The following VPS13C variants were observed in gnomAD, a reference collection of about 807,000 sequenced individuals.
VPS13C encodes vacuolar protein sorting 13 homolog C.
Under a neutral mutation model 456.8 loss-of-function variants are expected in VPS13C, and 358 were observed. The observed-to-expected ratio is 0.78, with a 90% confidence interval of 0.72 to 0.86. VPS13C has a LOEUF of 0.86. Ranked by LOEUF, VPS13C falls within the 40% of genes least tolerant of loss-of-function variation. The pLI, the probability that VPS13C is intolerant of heterozygous loss-of-function variation, is 0.00. For missense variants in VPS13C, 4,818 were observed against 4,385.4 expected (o/e 1.10, Z -2.79); for synonymous variants, 1,578 against 1,486.7 (o/e 1.06, Z -1.41).
rs1566972161 is a variant in VPS13C at position 61,890,347 on chromosome 15, T to C, written c.9159A>G (p.Ser3053=). ...AAACTCTCTGGCGCCCATCCAGAAA[T>C]GATACCCAGTGTATCTGGATGTTTG... ...YDANIQIHWV[S]FLDGRQRVLL... is the part of the protein sequence containing the mutation. Residue 3053 remains serine, a synonymous_variant, in exon 67 of 85, where the codon TCA becomes TCG. Transcript: ENST00000644861. 1 of 1,613,962 alleles carries C rather than the reference T, an allele frequency of 6.2e-7. No individual in the cohort carries two copies. Among genetic ancestry groups the C allele is most frequent in the East Asian group, 2.2e-5 (1 of 44,856 alleles).
chr15:62,016,992 C>G (rs947556835), intron 9 of VPS13C, among the ~76,000 whole-genome samples: 2 of 151,910 alleles, frequency 1.3e-5, no homozygotes, highest in African/African-American at 4.8e-5. Context: ...TATCTCATTG[C>G]GGTTTTGATT....
intron 81 of VPS13C, chr15:61,864,357 CTG>C: frequency 1.1e-6 from 1 of 894,328 alleles, no homozygotes; most frequent in Non-Finnish European, 1.3e-6. Flanking sequence ...CTCAAAAGTA[CTG>C]TGACTTGAAT....
intron 14 of VPS13C, among the ~76,000 whole-genome samples, chr15:62,008,263 T>C (rs948164050): frequency 6.6e-6 from 1 of 151,498 alleles, no homozygotes; most frequent in African/African-American, 2.4e-5. Flanking sequence ...TAGCTGGGCG[T>C]GGTTGCACAC....
intron 66 of VPS13C, among the ~76,000 whole-genome samples, chr15:61,893,190 C>T (rs1286846149): frequency 6.6e-6 from 1 of 152,144 alleles, no homozygotes; most frequent in Non-Finnish European, 1.5e-5. Context: ...AATAATCAAA[C>T]TCTCAAGGGC....
At chr15:61,989,309 G>C (rs749600967) in intron 18 of VPS13C, among the ~76,000 whole-genome samples, 3 of 151,884 alleles carry the variant, frequency 2.0e-5, no homozygotes, top group Non-Finnish European at 4.4e-5. Flanking sequence ...CTTGAGGCAG[G>C]AGACTCACTT....
intron 82 of VPS13C, among the ~76,000 whole-genome samples, chr15:61,861,737 T>C (rs1894237803): frequency 6.6e-6 from 1 of 152,200 alleles, no homozygotes; most frequent in Non-Finnish European, 1.5e-5. Context: ...ACTATTTTAA[T>C]GTAATCATTA....
rs2044585562 is a variant in VPS13C at position 61,945,841 on chromosome 15, C to CAA, written c.5021_5022insTT (p.Thr1675Ter). On this transcript the variant is annotated frameshift_variant, in exon 45 of 85. Transcript: ENST00000644861. LOFTEE classifies it high-confidence loss of function. ...CTTCTGTGGCATCTGGATAAAGAGTCAGTTGGAACCTAAAGACTTCATCTC... is the reference window on the plus strand; with the variant it reads ...CTTCTGTGGCATCTGGATAAAGAGTCAAAGTTGGAACCTAAAGACTTCATCTC... 5 of 1,611,822 alleles carry CAA rather than the reference C, an allele frequency of 3.1e-6. No individual in the cohort carries two copies. The highest frequency in any genetic ancestry group is 4.2e-6 in the Non-Finnish European group (5 of 1,179,368).
chr15:61,944,605 T>C lies in VPS13C; in HGVS notation c.5148+1110A>G, dbSNP rs7177173. On this transcript the variant is annotated intron_variant, in intron 45 of 84. Transcript: ENST00000644861. Reference sequence around the variant, plus strand: ...CACTGGGTATTTCATGGATGTAACATTGGGAAAAAAAGACACTGCGGACTA... The same window carrying C: ...CACTGGGTATTTCATGGATGTAACACTGGGAAAAAAAGACACTGCGGACTA... Among the ~76,000 whole-genome samples the C allele has an allele frequency of 2.3e-4, 35 of 151,964 alleles. No individual in the cohort carries two copies. The Middle Eastern group carries it at 0.01, about 45-fold the overall frequency.
At chr15:62,046,501 G>A (rs2048407784) in intron 1 of VPS13C, among the ~76,000 whole-genome samples, 1 of 152,164 alleles carries the variant, frequency 6.6e-6, no homozygotes, top group African/African-American at 2.4e-5. Context: ...AGCCTACAGG[G>A]TAATCTGCAC....
rs1218844131 is a variant in VPS13C at position 61,945,719 on chromosome 15, A to C, written c.5144T>G (p.Leu1715Arg). 6.3e-7 allele frequency: 1 copy of C among 1,581,140 alleles called. No homozygotes were observed. ...IVYVHKFFMS[L>R]LNFLNNFQTA... ...AATATATTTTTAAAAACTTACCAAA[A>C]GAGACATGAAGAATTTATGAACATA... The change falls in exon 45 of 85, where the codon CTT (leucine) becomes CGT (arginine). Residue 1715 changes from leucine to arginine, a missense_variant. Coordinates refer to ENST00000644861, the MANE Select transcript of VPS13C (RefSeq NM_020821.3).
At chr15:62,036,537 T>C (rs942170487) in intron 3 of VPS13C, among the ~76,000 whole-genome samples, 1 of 152,100 alleles carries the variant, frequency 6.6e-6, no homozygotes, top group African/African-American at 2.4e-5. Context: ...TCACGGGAAG[T>C]CTACAACGCT....
intron 46 of VPS13C, 61 bp from the exon 47 acceptor site, chr15:61,940,855 C>G (rs1487174485): frequency 6.6e-7 from 1 of 1,509,348 alleles, no homozygotes; most frequent in Non-Finnish European, 8.9e-7. Flanking sequence ...TGAGGACTAT[C>G]CTATTGTGTA....
chr15:61,863,541 C>A lies in VPS13C; in HGVS notation c.10864-13G>T. The A allele has an allele frequency of 6.3e-7, 1 of 1,595,062 alleles. No homozygotes were observed. The highest frequency in any genetic ancestry group is 8.6e-7 in the Non-Finnish European group (1 of 1,163,344). On this transcript the variant is annotated splice_polypyrimidine_tract_variant and intron_variant, in intron 81 of 84. Transcript: ENST00000644861. ...TTTTGATATGATTCTGAAAAGGAAA[C>A]CAGGCTCTAGATTTGGGAAGTTATG...
In VPS13C at chr15:61,973,408, T is replaced by C. The variant is rs374476181; in HGVS notation, c.2617+46A>G. The C allele has an allele frequency of 6.1e-5, 90 of 1,472,228 alleles. No homozygotes were observed. The African/African-American group carries it at 8.6e-4, about 14-fold the overall frequency. The allele number at this position is 1,472,228 out of a possible 1,614,324, so 91.2% of individuals were successfully genotyped here. On this transcript the variant is annotated intron_variant, in intron 26 of 84. Transcript: ENST00000644861. Reference sequence around the variant, plus strand: ...TGAAAATGTTATCTCTGTATAACAATGTATAGGCTTAATTTAATAGAGAAA... The same window carrying C: ...TGAAAATGTTATCTCTGTATAACAACGTATAGGCTTAATTTAATAGAGAAA...
In VPS13C at chr15:61,922,039, A is replaced by G; in HGVS notation, c.6976-6T>C. ...ATCTCATTGTAATAGTGCACCTGGAAAGATACACACAAAATTATAAGACAG... is the reference window on the plus strand; with the variant it reads ...ATCTCATTGTAATAGTGCACCTGGAGAGATACACACAAAATTATAAGACAG... On this transcript the variant is annotated splice_polypyrimidine_tract_variant and splice_region_variant and intron_variant, in intron 54 of 84. Transcript: ENST00000644861. The G allele has an allele frequency of 1.2e-6, 2 of 1,613,004 alleles. No individual in the cohort carries two copies. The highest frequency in any genetic ancestry group is 1.7e-6 in the Non-Finnish European group (2 of 1,179,330).
At chr15:61,866,695 T>C (rs1894621132) in intron 81 of VPS13C, 2 of 985,100 alleles carry the variant, frequency 2.0e-6, no homozygotes, top group Admixed American at 6.2e-5. Flanking sequence ...TTTGTTATAC[T>C]TGGTCCCTTA....
chr15:61,967,281 G>T, intron 29 of VPS13C, 87 bp downstream of exon 29: 1 of 1,096,802 alleles, frequency 9.1e-7, no homozygotes, highest in Non-Finnish European at 1.3e-6. Context: ...CACATCCAGA[G>T]CCATTAGTAA....
At chr15:61,948,092 T>C (rs1424321324) in intron 42 of VPS13C, among the ~76,000 whole-genome samples, 3 of 152,134 alleles carry the variant, frequency 2.0e-5, no homozygotes, top group Non-Finnish European at 4.4e-5. Flanking sequence ...GACAGGTTGT[T>C]TTTTTCTTTA....
Position 61,909,110 on chromosome 15 carries a change from C to A in VPS13C, c.8860G>T (p.Val2954Leu), listed in dbSNP as rs1294729165. ...GAATGTTCGGCAGTGTTTACATCCACCAAGATACCCCCATTCTATTGTAGA... is the reference window on the plus strand; with the variant it reads ...GAATGTTCGGCAGTGTTTACATCCAACAAGATACCCCCATTCTATTGTAGA... Reference protein sequence around the residue: ...SLEDLNGGILVDVNTAEHSTV... With the variant: ...SLEDLNGGILLDVNTAEHSTV... The change falls in exon 65 of 85, where the codon GTG (valine) becomes TTG (leucine). Residue 2954 changes from valine to leucine, a missense_variant. By Grantham distance (32) the Val-to-Leu change is conservative. Around this residue, in one of 3 missense-constraint regions of VPS13C, gnomAD observed 4,552 missense variants for 4,130.6 expected, o/e 1.10. Transcript: ENST00000644861. The A allele has an allele frequency of 6.2e-7, 1 of 1,611,338 alleles. No individual in the cohort carries two copies. Among genetic ancestry groups the A allele is most frequent in the Non-Finnish European group, 8.5e-7 (1 of 1,179,364 alleles).
Sources: allele counts gnomAD v4.1 joint callset (sites outside exome capture counted in the v4.1 genomes callset), GRCh38; gene constraint gnomAD v4.1.1; regional missense constraint gnomAD v4.1.1; transcripts MANE v1.5; gene names NCBI Gene and HGNC (gene_info 2026-07-23, HGNC 2026-07-21).